HGD: variants seen among roughly 807,000 people sequenced by gnomAD.
The protein encoded by HGD is homogentisate 1,2-dioxygenase.
HGD carries 61 observed loss-of-function variants against 60.8 expected under a neutral mutation model. The ratio of observed to expected loss-of-function variants is 1.00; its 90% CI spans 0.82 to 1.24. The LOEUF is 1.24. HGD is among the 50% of genes most tolerant of loss of function. The pLI is 0.00. For synonymous variants in HGD, 212 were observed against 187.7 expected, an observed-to-expected ratio of 1.13 and a Z score of -1.06; for missense variants, 542 against 547.1, an observed-to-expected ratio of 0.99 and a Z score of 0.09.
intron 10 of HGD, among the ~76,000 whole-genome samples, chr3:120,642,106 C>T (rs538017565): frequency 6.6e-6 from 1 of 152,276 alleles, no homozygotes; most frequent in African/African-American, 2.4e-5. Context: ...CCTAGAGGAG[C>T]TTGCAATAGA....
chr3:120,640,894 A>G (rs1559785145), intron 11 of HGD, among the ~76,000 whole-genome samples: 1 of 152,078 alleles, frequency 6.6e-6, no homozygotes, highest in Non-Finnish European at 1.5e-5. Context: ...TTATCCTTCC[A>G]GCTTGTGGGT....
chr3:120,667,132 C>T (rs544187120), intron 4 of HGD, among the ~76,000 whole-genome samples: 2 of 151,780 alleles, frequency 1.3e-5, no homozygotes, highest in Admixed American at 1.3e-4. Context: ...CGAGACCAGC[C>T]TGAGCAATAT....
intron 1 of HGD, among the ~76,000 whole-genome samples, chr3:120,677,722 G>A (rs1176175557): frequency 1.3e-5 from 2 of 152,150 alleles, no homozygotes; most frequent in Non-Finnish European, 2.9e-5. Flanking sequence ...TTTGCACACT[G>A]CCTCCCCATT....
chr3:120,653,998 T>C (rs1941419180), intron 4 of HGD, among the ~76,000 whole-genome samples: 1 of 152,132 alleles, frequency 6.6e-6, no homozygotes, highest in Non-Finnish European at 1.5e-5. Flanking sequence ...TTTCTCCCAG[T>C]TGAGAACCAC....
chr3:120,631,251 A>C (rs889809447), intron 13 of HGD, among the ~76,000 whole-genome samples: 2 of 152,152 alleles, frequency 1.3e-5, no homozygotes, highest in Admixed American at 1.3e-4. Flanking sequence ...ATAAATAAAG[A>C]AATAAAAGAA....
At chr3:120,657,894 A>G (rs1455175421) in intron 4 of HGD, among the ~76,000 whole-genome samples, 7 of 152,134 alleles carry the variant, frequency 4.6e-5, no homozygotes, top group Non-Finnish European at 7.4e-5. Context: ...ACACTTTTCA[A>G]TGACCAGATC....
At chr3:120,667,404 A>C (rs981799283) in intron 4 of HGD, among the ~76,000 whole-genome samples, 3 of 151,756 alleles carry the variant, frequency 2.0e-5, no homozygotes, top group African/African-American at 7.3e-5. Context: ...TGGATATGTC[A>C]CACGAACTCC....
chr3:120,646,509 T>C, intron 8 of HGD, 143 bp from the exon 9 acceptor site: 2 of 659,732 alleles, frequency 3.0e-6, no homozygotes, highest in South Asian at 3.3e-5. Context: ...AGAGCAAACA[T>C]GAAAAACTGA....
intron 4 of HGD, among the ~76,000 whole-genome samples, chr3:120,654,040 A>G (rs1941420790): frequency 6.6e-6 from 1 of 152,196 alleles, no homozygotes; most frequent in South Asian, 2.1e-4. Flanking sequence ...TAACATCAGG[A>G]AGTGCCACAG....
chr3:120,634,228 T>A (rs560578071), intron 12 of HGD, among the ~76,000 whole-genome samples: 4 of 152,312 alleles, frequency 2.6e-5, no homozygotes, highest in Non-Finnish European at 4.4e-5. Context: ...TAAATGGAAA[T>A]TTGCTTTTAT....
At position 120,633,199 on chromosome 3, in the gene HGD, T is replaced by C; in HGVS notation, c.1136A>G (p.Glu379Gly). 6.2e-7 allele frequency: 1 copy of C among 1,614,118 alleles called. No homozygotes were observed. Among genetic ancestry groups the C allele is most frequent in the South Asian group, 1.1e-5 (1 of 91,076 alleles). The change falls in exon 13 of 14, where the codon GAG becomes GGG. Residue 379 changes from glutamate (E) to glycine (G), a missense_variant. Glu to Gly is a moderately conservative substitution (Grantham distance 98). This residue lies in a region of HGD where 537 missense variants were observed against 529.1 expected (regional missense o/e 1.01). Transcript: ENST00000283871. ...TPHGPDADCFEKASKVKLAPE... is the reference protein window; with the variant it reads ...TPHGPDADCFGKASKVKLAPE... ...TGCCAGCTTGACCTTGCTGGCCTTC[T>C]CAAAGCAGTCAGCATCAGGTCCATG...
At chr3:120,660,212 T>C (rs1378503592) in intron 4 of HGD, among the ~76,000 whole-genome samples, 1 of 152,150 alleles carries the variant, frequency 6.6e-6, no homozygotes, top group Non-Finnish European at 1.5e-5. Context: ...GAGCCTCCTT[T>C]CTTTGTAAGT....
chr3:120,638,685 A>T (rs1940864509), intron 11 of HGD, 104 bp from the exon 12 acceptor site: 3 of 1,324,322 alleles, frequency 2.3e-6, no homozygotes, highest in South Asian at 1.2e-5. Context: ...TGACATTCTA[A>T]TTTTTTTATT....
intron 3 of HGD, among the ~76,000 whole-genome samples, chr3:120,671,590 A>G (rs76946477): frequency 6.6e-6 from 1 of 152,182 alleles, no homozygotes; most frequent in Non-Finnish European, 1.5e-5. Context: ...TGATTCCTCA[A>G]AGACCTACAA....
chr3:120,629,517 G>C (rs922484940), intron 13 of HGD, among the ~76,000 whole-genome samples: 2 of 152,166 alleles, frequency 1.3e-5, no homozygotes, highest in Admixed American at 6.5e-5. Context: ...ATATGGAAGT[G>C]CTATGCAAGT....
chr3:120,636,735 A>T (rs1477393684), intron 12 of HGD, among the ~76,000 whole-genome samples: 1 of 152,044 alleles, frequency 6.6e-6, no homozygotes, highest in Non-Finnish European at 1.5e-5. Flanking sequence ...GAAAAGGGGG[A>T]TGCTGGCATT....
At chr3:120,637,307 G>GA (rs63466560) in intron 12 of HGD, among the ~76,000 whole-genome samples, 56,874 of 113,570 alleles carry the variant, frequency 0.5, 13,089 homozygotes, top group Non-Finnish European at 0.57. Context: ...TTAATTTTCT[G>GA]AAAAAAAAAA....
At chr3:120,643,329 G>A (rs938061024) in intron 10 of HGD, among the ~76,000 whole-genome samples, 31 of 152,164 alleles carry the variant, frequency 2.0e-4, no homozygotes, top group African/African-American at 7.5e-4. Context: ...TTGCCATGTT[G>A]GCCAGGCTGG....
Position 120,644,343 on chromosome 3 carries a change from C to T in HGD, c.750G>A (p.Gln250=), listed in dbSNP as rs1941089187. 6.2e-7 allele frequency: 1 copy of T among 1,614,114 alleles called. No homozygotes were observed. The highest frequency in any genetic ancestry group is 8.5e-7 in the Non-Finnish European group (1 of 1,180,014). The change falls in exon 10 of 14, where the codon CAG becomes CAA. Residue 250 remains glutamine, a synonymous_variant. Transcript: ENST00000283871. ...CCTGTTTGGCAGCAAACAGCTTGCC[C>T]TGGTATTTATTAATGACCGTGTAAC... is the stretch of plus-strand genomic sequence containing the variant. ...PGGYTVINKY[Q]GKLFAAKQDV...
Sources: gnomAD v4.1 joint callset for allele counts (sites outside exome capture counted in the v4.1 genomes callset) on GRCh38, gnomAD v4.1.1 for gene constraint, gnomAD v4.1.1 regional missense constraint, MANE v1.5 for transcripts, NCBI Gene and HGNC (gene_info 2026-07-23, HGNC 2026-07-21) for gene names.